Variants in SPRY3 observed in about 807,000 individuals in gnomAD.
SPRY3 encodes protein sprouty homolog 3.
SPRY3 carries 15 observed loss-of-function variants against 20.2 expected under a neutral mutation model. The ratio of observed to expected loss-of-function variants is 0.74; its 90% CI spans 0.50 to 1.14. SPRY3 has a LOEUF of 1.14. Among genes scored for constraint, SPRY3 ranks in the 50% most tolerant of loss-of-function variants. SPRY3 has a pLI of 0.00. For missense variants in SPRY3, 364 were observed against 363.9 expected, an observed-to-expected ratio of 1.00 and a Z score of 0.00; for synonymous variants, 143 against 136.5, an observed-to-expected ratio of 1.05 and a Z score of -0.33.
At chrX:155,671,404 G>A (rs1040154160) in intron 2 of SPRY3, among the ~76,000 whole-genome samples, 1 of 110,683 alleles carries the variant, frequency 9.0e-6, no homozygotes, top group Non-Finnish European at 1.9e-5. Flanking sequence ...TATCTTGAGA[G>A]TTGGTATTTG....
intron 2 of SPRY3, among the ~76,000 whole-genome samples, chrX:155,748,251 T>C (rs973241806): frequency 1.3e-5 from 2 of 151,912 alleles, no homozygotes; most frequent in Non-Finnish European, 2.9e-5. Flanking sequence ...ATAAAGATAG[T>C]ATCGATGAAA....
intron 2 of SPRY3, among the ~76,000 whole-genome samples, chrX:155,745,884 G>A (rs2091223283): frequency 6.6e-6 from 1 of 152,024 alleles, no homozygotes; most frequent in Non-Finnish European, 1.5e-5. Flanking sequence ...AACTTGAATT[G>A]TAACCTGGCC....
downstream of SPRY3, chrX:155,777,481 T>TA (rs1237130651): frequency 4.8e-5 from 8 of 166,506 alleles, no homozygotes; most frequent in Non-Finnish European, 7.4e-5. Flanking sequence ...GTTACTCAAA[T>TA]ACAGTTGCAA....
intron 2 of SPRY3, among the ~76,000 whole-genome samples, chrX:155,688,813 C>T (rs1258951951): frequency 1.7e-5 from 1 of 57,585 alleles, no homozygotes; most frequent in Non-Finnish European, 3.0e-5. Context: ...TTCCCTAATG[C>T]TCTCCCCACC....
intron 1 of SPRY3, among the ~76,000 whole-genome samples, chrX:155,618,096 G>T (rs1376340530): frequency 8.9e-6 from 1 of 111,994 alleles, no homozygotes; most frequent in African/African-American, 3.2e-5. Context: ...GTGTAACTTT[G>T]TATAATGACG....
intron 1 of SPRY3, among the ~76,000 whole-genome samples, chrX:155,622,012 C>A (rs2067872703): frequency 9.1e-6 from 1 of 110,460 alleles, no homozygotes; most frequent in Admixed American, 9.6e-5. Flanking sequence ...GTCAGTATCT[C>A]TGGAGTATAG....
chrX:155,681,282 C>T (rs187532185), intron 2 of SPRY3, among the ~76,000 whole-genome samples: 88 of 111,821 alleles, frequency 7.9e-4, no homozygotes, highest in South Asian at 1.5e-3. Flanking sequence ...TTTGCATCTT[C>T]CTCATTCTCT....
Position 155,751,768 on chromosome X carries a change from C to T in SPRY3, c.-281-16194C>T, listed in dbSNP as rs780601223. On this transcript the variant is annotated intron_variant, in intron 2 of 3. Coordinates refer to ENST00000675360, the Ensembl canonical transcript of SPRY3. Reference sequence around the variant, plus strand: ...CTAGTGGTATGTACACAACTGAAAACAGAATTACTTTGTTGAAGATTGGAC... The same window carrying T: ...CTAGTGGTATGTACACAACTGAAAATAGAATTACTTTGTTGAAGATTGGAC... Among the ~76,000 whole-genome samples the T allele has an allele frequency of 5.2e-4, 79 of 151,262 alleles. 1 individual carries two copies. The highest frequency in any genetic ancestry group is 1.0e-3 in the African/African-American group (43 of 41,290).
At chrX:155,769,169 T>C (rs1336308835) in intron 3 of SPRY3, among the ~76,000 whole-genome samples, 3 of 152,204 alleles carry the variant, frequency 2.0e-5, no homozygotes, top group Non-Finnish European at 4.4e-5. Context: ...ACATTCTATA[T>C]ATTTGTCTCT....
intron 2 of SPRY3, among the ~76,000 whole-genome samples, chrX:155,727,143 T>C (rs746766214): frequency 6.6e-6 from 1 of 152,314 alleles, no homozygotes; most frequent in South Asian, 2.1e-4. Flanking sequence ...TACTCCCTTC[T>C]GGCTTGTAGG....
At chrX:155,772,935 T>C (rs1015221597) in intron 3 of SPRY3, among the ~76,000 whole-genome samples, 2 of 152,080 alleles carry the variant, frequency 1.3e-5, no homozygotes, top group African/African-American at 4.8e-5. Context: ...TAATTACAGA[T>C]GATTTTTGAA....
chrX:155,671,743 A>C (rs189970426), intron 2 of SPRY3, among the ~76,000 whole-genome samples: 1 of 111,107 alleles, frequency 9.0e-6, no homozygotes, highest in East Asian at 2.8e-4. Context: ...CTGAATGGTA[A>C]TGCCTAGGTT....
At chrX:155,779,697 C>G (rs2091452150), downstream of SPRY3, 1 of 166,932 alleles carries the variant, frequency 6.0e-6, no homozygotes, top group Admixed American at 6.5e-5. Context: ...AATGGCTAAA[C>G]AAGGTATTCT....
rs974606646 is a variant in SPRY3, at chrX:155,671,949, A to T, written c.-282+14924A>T. Among the ~76,000 whole-genome samples the T allele has an allele frequency of 3.6e-5, 4 of 111,150 alleles. No individual in the cohort carries two copies. In the Admixed American group the frequency reaches 3.8e-4, roughly 11 times the overall value. On this transcript the variant is annotated intron_variant, in intron 2 of 3. Transcript: ENST00000675360. ...TTTTCTCAGGTTTGTCAAAGATCAGATGGTTGTAGATATGTGGCATTATTT... is the reference window on the plus strand; with the variant it reads ...TTTTCTCAGGTTTGTCAAAGATCAGTTGGTTGTAGATATGTGGCATTATTT...
intron 1 of SPRY3, among the ~76,000 whole-genome samples, chrX:155,629,219 A>G (rs1454561492): frequency 1.1e-5 from 1 of 89,670 alleles, no homozygotes; most frequent in Non-Finnish European, 2.1e-5. Context: ...AAGTGTTCTC[A>G]TTGTTCAATT....
At chrX:155,616,130 C>CTCT (rs11396863) in intron 1 of SPRY3, among the ~76,000 whole-genome samples, 1,568 of 57,169 alleles carry the variant, frequency 0.027, 68 homozygotes, top group South Asian at 0.066. Flanking sequence ...CTCTCTCTCT[C>CTCT]CTCTCTCTCT....
At chrX:155,774,026 A>C (rs745346180) in exon 4 of SPRY3, 2 of 1,613,886 alleles carry the variant, frequency 1.2e-6, no homozygotes, top group South Asian at 2.2e-5. Flanking sequence ...CACAAGTCTG[A>C]TTGGTCTCTG....
intron 2 of SPRY3, among the ~76,000 whole-genome samples, chrX:155,738,750 G>T (rs1490447572): frequency 6.6e-6 from 1 of 152,116 alleles, no homozygotes; most frequent in East Asian, 1.9e-4. Flanking sequence ...ACACCACCAG[G>T]GCCTTGGGTC....
At chrX:155,771,282 C>T (rs1218893019) in intron 3 of SPRY3, among the ~76,000 whole-genome samples, 1 of 152,132 alleles carries the variant, frequency 6.6e-6, no homozygotes, top group African/African-American at 2.4e-5. Context: ...GTTTCTGAGT[C>T]ATTTATATTA....
Sources: allele counts gnomAD v4.1 joint callset (sites outside exome capture counted in the v4.1 genomes callset), GRCh38; gene constraint gnomAD v4.1.1; transcripts MANE v1.5; gene names NCBI Gene and HGNC (gene_info 2026-07-23, HGNC 2026-07-21).